The following ENTREP1 variants were observed in gnomAD, a reference collection of about 807,000 sequenced individuals.
ENTREP1 encodes Friedreich ataxia region gene X123.
the ENTREP1 span, among the ~76,000 whole-genome samples, chr9:69,372,175 A>G: frequency 1.3e-5 from 2 of 152,232 alleles, no homozygotes; most frequent in African/African-American, 4.8e-5. Flanking sequence ...ACTTAAAAGA[A>G]AATAAATTTT....
the ENTREP1 span, among the ~76,000 whole-genome samples, chr9:69,371,049 A>T: frequency 5.3e-5 from 8 of 152,158 alleles, no homozygotes; most frequent in African/African-American, 1.9e-4. Context: ...ACCCATTTTT[A>T]TGTCCATTTA....
the ENTREP1 span, among the ~76,000 whole-genome samples, chr9:69,329,905 G>A: frequency 6.9e-6 from 1 of 145,910 alleles, no homozygotes; most frequent in Admixed American, 6.8e-5. Flanking sequence ...AGATTCCACT[G>A]GGGTATGGGA....
the ENTREP1 span, among the ~76,000 whole-genome samples, chr9:69,368,869 T>C: frequency 2.0e-5 from 3 of 152,250 alleles, no homozygotes; most frequent in South Asian, 2.1e-4. Flanking sequence ...AGTTCTGGGA[T>C]ACATGTGCAG....
At chr9:69,376,561 GTCCAC>G in the ENTREP1 span, among the ~76,000 whole-genome samples, 1 of 152,280 alleles carries the variant, frequency 6.6e-6, no homozygotes, top group East Asian at 1.9e-4. Flanking sequence ...CTTTTTGAGA[GTCCAC>G]TTCTGCCGGT....
At chr9:69,358,669 G>C in the ENTREP1 span, among the ~76,000 whole-genome samples, 2 of 152,124 alleles carry the variant, frequency 1.3e-5, no homozygotes, top group Non-Finnish European at 2.9e-5. Flanking sequence ...TGAAGTAAAA[G>C]TTCCTGCTTT....
At chr9:69,324,835 C>T in the ENTREP1 span, 1 of 985,198 alleles carries the variant, frequency 1.0e-6, no homozygotes, top group African/African-American at 1.7e-5. Flanking sequence ...AGGCTCCTCG[C>T]TCTTCTCTAG....
At chr9:69,340,309 C>T in the ENTREP1 span, among the ~76,000 whole-genome samples, 1 of 152,092 alleles carries the variant, frequency 6.6e-6, no homozygotes, top group African/African-American at 2.4e-5. Flanking sequence ...CATGGATATT[C>T]CCTTTTGAGA....
chr9:69,375,958 C>A, the ENTREP1 span: 4 of 1,363,656 alleles, frequency 2.9e-6, no homozygotes, highest in Non-Finnish European at 3.0e-6. Context: ...CTATTACCTC[C>A]CTCAAACAAT....
chr9:69,333,486 G>A, the ENTREP1 span, among the ~76,000 whole-genome samples: 4 of 151,954 alleles, frequency 2.6e-5, no homozygotes, highest in African/African-American at 9.7e-5. Context: ...TGTACTTTTA[G>A]TAGAGACAGG....
chr9:69,334,334 G>T, the ENTREP1 span, among the ~76,000 whole-genome samples: 1 of 152,212 alleles, frequency 6.6e-6, no homozygotes, highest in East Asian at 1.9e-4. Context: ...CAAAGAAATT[G>T]TCACCTATCT....
the ENTREP1 span, chr9:69,386,526 AC>A: frequency 6.6e-6 from 1 of 152,206 alleles, no homozygotes; most frequent in Admixed American, 6.5e-5. Flanking sequence ...ATATATGAAT[AC>A]CTGAACATCT....
the ENTREP1 span, among the ~76,000 whole-genome samples, chr9:69,331,220 T>A: frequency 6.6e-6 from 1 of 152,230 alleles, no homozygotes; most frequent in Non-Finnish European, 1.5e-5. Context: ...CATGGCTTTT[T>A]AAAAATCTCT....
the ENTREP1 span, chr9:69,391,649 T>G: frequency 6.2e-7 from 1 of 1,614,054 alleles, no homozygotes; most frequent in African/African-American, 1.3e-5. Flanking sequence ...CAAGCTGCCC[T>G]CGCGGAGACA....
the ENTREP1 span, chr9:69,388,058 A>G: frequency 6.2e-7 from 1 of 1,604,054 alleles, no homozygotes; most frequent in African/African-American, 1.3e-5. Flanking sequence ...CATTTGTCAG[A>G]TGCTTTCCAT....
the ENTREP1 span, among the ~76,000 whole-genome samples, chr9:69,389,315 A>G: frequency 6.6e-6 from 1 of 152,356 alleles, no homozygotes; most frequent in East Asian, 1.9e-4. Flanking sequence ...GGTAATTACC[A>G]ACTTCAGGAT....
the ENTREP1 span, among the ~76,000 whole-genome samples, chr9:69,368,613 T>C: frequency 2.0e-5 from 3 of 152,150 alleles, no homozygotes; most frequent in African/African-American, 7.2e-5. Flanking sequence ...ATTTTCTTTT[T>C]TTGTTGTGTC....
the ENTREP1 span, among the ~76,000 whole-genome samples, chr9:69,336,443 G>A: frequency 2.0e-4 from 31 of 152,148 alleles, no homozygotes; most frequent in Non-Finnish European, 1.5e-4. Context: ...TAATAATTTT[G>A]CTGGTTTTCT....
chr9:69,327,030 C>G, the ENTREP1 span, among the ~76,000 whole-genome samples: 3 of 150,112 alleles, frequency 2.0e-5, no homozygotes, highest in Admixed American at 6.6e-5. Context: ...AAAAAGGACT[C>G]GAAGAACTAA....
chr9:69,324,885 G>A, the ENTREP1 span: 1 of 985,336 alleles, frequency 1.0e-6, no homozygotes, highest in Admixed American at 6.1e-5. Context: ...GAGACTCTCG[G>A]TGGCCGGCGC....
Sources: allele counts gnomAD v4.1 joint callset (sites outside exome capture counted in the v4.1 genomes callset), GRCh38; gene constraint gnomAD v4.1.1; transcripts MANE v1.5; gene names NCBI Gene and HGNC (gene_info 2026-07-23, HGNC 2026-07-21).